The following ARHGEF10L variants were observed in gnomAD, a reference collection of about 807,000 sequenced individuals.
ARHGEF10L encodes the protein rho guanine nucleotide exchange factor 10-like protein.
Under a neutral mutation model 141.2 loss-of-function variants are expected in ARHGEF10L, and 69 were observed. The ratio of observed to expected loss-of-function variants is 0.49; its 90% CI spans 0.40 to 0.60. The LOEUF (loss-of-function observed/expected upper bound fraction) is 0.60, where lower values mean the gene tolerates loss of function less well. Ranked by LOEUF, ARHGEF10L falls within the 20% of genes least tolerant of loss-of-function variation. ARHGEF10L has a pLI of 0.00. For synonymous variants in ARHGEF10L, 711 were observed against 718.5 expected (o/e 0.99, Z 0.17); for missense variants, 1,482 against 1,734.3 (o/e 0.85, Z 2.58).
At chr1:17,594,095 T>C (rs2079849505) in intron 4 of ARHGEF10L, among the ~76,000 whole-genome samples, 1 of 151,712 alleles carries the variant, frequency 6.6e-6, no homozygotes, top group African/African-American at 2.4e-5. Context: ...CCAGGCCATG[T>C]TATTTTTATG....
intron 26 of ARHGEF10L, among the ~76,000 whole-genome samples, chr1:17,672,943 T>TCCAGGCC (rs953038222): frequency 4.7e-4 from 72 of 152,200 alleles, no homozygotes; most frequent in African/African-American, 1.6e-3. Context: ...GGGTCAGGCC[T>TCCAGGCC]CCAGGCCCCT....
At chr1:17,636,072 G>C (rs139062372) in intron 18 of ARHGEF10L, among the ~76,000 whole-genome samples, 30 of 152,224 alleles carry the variant, frequency 2.0e-4, no homozygotes, top group African/African-American at 6.3e-4. Flanking sequence ...TCTGCCCCAC[G>C]TGCCTTCCTC....
intron 1 of ARHGEF10L, among the ~76,000 whole-genome samples, chr1:17,562,452 G>C (rs1194004675): frequency 6.6e-6 from 1 of 152,054 alleles, no homozygotes; most frequent in Non-Finnish European, 1.5e-5. Context: ...AGTCAAGTGG[G>C]GCCCTGGATA....
At chr1:17,542,480 T>C (rs1429129533) in intron 1 of ARHGEF10L, among the ~76,000 whole-genome samples, 1 of 152,132 alleles carries the variant, frequency 6.6e-6, no homozygotes, top group African/African-American at 2.4e-5. Flanking sequence ...GTACTGTTAC[T>C]TGGGGAAATA....
Position 17,603,114 on chromosome 1 carries a change from A to G in ARHGEF10L, c.350-394A>G, listed in dbSNP as rs1228216427. Among the ~76,000 whole-genome samples, 1 of 151,826 alleles carries G rather than the reference A, an allele frequency of 6.6e-6. No individual in the cohort carries two copies. The highest frequency in any genetic ancestry group is 1.9e-4 in the East Asian group (1 of 5,158). On this transcript the variant is annotated intron_variant, in intron 5 of 28. Transcript: ENST00000361221. This position sits in a 1 kb window ranked among gnomAD's most constrained non-coding sequence, Gnocchi z 4.8. ...ATCAGGGGTGGGGGCTGGTTTTCCA[A>G]GTCCTAGCACTGCTCAGTGACGAGG...
intron 1 of ARHGEF10L, among the ~76,000 whole-genome samples, chr1:17,565,479 G>A (rs995202569): frequency 6.6e-5 from 10 of 152,126 alleles, no homozygotes; most frequent in African/African-American, 2.2e-4. Flanking sequence ...ACTGGTGGAC[G>A]GCCCCCCTCC....
chr1:17,618,817 G>C (rs549977269), intron 9 of ARHGEF10L, among the ~76,000 whole-genome samples: 41 of 152,266 alleles, frequency 2.7e-4, no homozygotes, highest in Middle Eastern at 6.8e-3. Context: ...CTCACTCCTG[G>C]GATTCCATGT....
At chr1:17,523,357 G>A in the ARHGEF10L span, among the ~76,000 whole-genome samples, 1 of 152,150 alleles carries the variant, frequency 6.6e-6, no homozygotes, top group East Asian at 1.9e-4. Context: ...CTAAAGTGCT[G>A]GGATTACAGG....
chr1:17,533,126 G>A, the ARHGEF10L span, among the ~76,000 whole-genome samples: 1 of 152,200 alleles, frequency 6.6e-6, no homozygotes, highest in African/African-American at 2.4e-5. Flanking sequence ...TGGCTCAAGT[G>A]AAGGGGGTGC....
At chr1:17,574,890 G>A (rs1182491159) in intron 1 of ARHGEF10L, among the ~76,000 whole-genome samples, 3 of 152,098 alleles carry the variant, frequency 2.0e-5, no homozygotes, top group African/African-American at 7.2e-5. Context: ...TCTTCCTTCC[G>A]GGCCCCGGGC....
chr1:17,577,331 C>T (rs752700231), intron 1 of ARHGEF10L, among the ~76,000 whole-genome samples: 1 of 152,226 alleles, frequency 6.6e-6, no homozygotes, highest in East Asian at 1.9e-4. Context: ...CAGGCATGAG[C>T]CACCATGACT....
chr1:17,662,006 A>G (rs2062661111), intron 25 of ARHGEF10L, among the ~76,000 whole-genome samples: 1 of 152,320 alleles, frequency 6.6e-6, no homozygotes, highest in Non-Finnish European at 1.5e-5. Context: ...CCTTAGCTCC[A>G]TGGGTCGCCG....
At chr1:17,595,748 CAGCACACACGA>C (rs987984840) in intron 4 of ARHGEF10L, among the ~76,000 whole-genome samples, 4 of 152,136 alleles carry the variant, frequency 2.6e-5, no homozygotes, top group African/African-American at 9.7e-5. Context: ...GGCGGGGAAG[CAGCACACACGA>C]GGCCATACCA....
rs145405646 is a variant in ARHGEF10L, at chr1:17,619,927, G to T, written c.942+482G>T. ...TCCTTGGCTGGGTGCGGTGGCTCAT[G>T]CCTGTAACCCCAGCACTTTGGGAGG... On this transcript the variant is annotated intron_variant, in intron 10 of 28. Coordinates refer to ENST00000361221, the MANE Select transcript of ARHGEF10L (RefSeq NM_018125.4). The surrounding 1 kb of genome is among the most constrained non-coding windows in gnomAD (Gnocchi z 5.0). 6.6e-5 allele frequency among the ~76,000 whole-genome samples: 10 copies of T among 152,114 alleles called. No homozygotes were observed. The highest frequency in any genetic ancestry group is 2.4e-4 in the African/African-American group (10 of 41,404).
At chr1:17,663,650 A>C (rs1402685414) in intron 25 of ARHGEF10L, among the ~76,000 whole-genome samples, 1 of 152,170 alleles carries the variant, frequency 6.6e-6, no homozygotes, top group African/African-American at 2.4e-5. Context: ...ATTTGACAGA[A>C]GTGCCTTGGA....
At chr1:17,611,961 G>A (rs988390591) in intron 7 of ARHGEF10L, among the ~76,000 whole-genome samples, 3 of 150,692 alleles carry the variant, frequency 2.0e-5, no homozygotes, top group Non-Finnish European at 4.4e-5. Flanking sequence ...CCATCTACCT[G>A]TTCTCCCATC....
chr1:17,645,276 G>A (rs2061531899), intron 21 of ARHGEF10L, among the ~76,000 whole-genome samples: 1 of 152,142 alleles, frequency 6.6e-6, no homozygotes, highest in Non-Finnish European at 1.5e-5. Flanking sequence ...TTTGTGACGG[G>A]AACAATGGCA....
intron 1 of ARHGEF10L, among the ~76,000 whole-genome samples, chr1:17,555,305 G>A (rs2077265562): frequency 6.6e-6 from 1 of 150,906 alleles, no homozygotes. Context: ...GGGCACAGAT[G>A]TTTCCCCAAA....
intron 26 of ARHGEF10L, among the ~76,000 whole-genome samples, chr1:17,678,838 T>C (rs189395260): frequency 5.3e-4 from 81 of 152,370 alleles, no homozygotes; most frequent in Admixed American, 1.2e-3. Context: ...GACACCAACA[T>C]CTGTGTCCAC....
Sources: allele counts gnomAD v4.1 joint callset (sites outside exome capture counted in the v4.1 genomes callset), GRCh38; gene constraint gnomAD v4.1.1; non-coding constraint Gnocchi (gnomAD v3.1); transcripts MANE v1.5; gene names NCBI Gene and HGNC (gene_info 2026-07-23, HGNC 2026-07-21).